Variants in SYN3 observed in about 807,000 individuals in gnomAD.
SYN3 encodes synapsin-3.
SYN3 carries 35 observed loss-of-function variants against 65.8 expected under a neutral mutation model. That is an observed-to-expected ratio of 0.53 (90% CI 0.41 to 0.70). The LOEUF is 0.70. Ranked by LOEUF, SYN3 falls within the 30% of genes least tolerant of loss-of-function variation. The pLI is 0.00. For synonymous variants in SYN3, 270 were observed against 292.9 expected (o/e 0.92, Z 0.80); for missense variants, 680 against 749.0 (o/e 0.91, Z 1.08).
At chr22:32,544,367 T>A (rs1437114953) in intron 7 of SYN3, among the ~76,000 whole-genome samples, 1 of 152,214 alleles carries the variant, frequency 6.6e-6, no homozygotes, top group Non-Finnish European at 1.5e-5. Context: ...CCTCAACATG[T>A]TCCTGCTTTT....
At chr22:32,573,613 C>T (rs2058808608) in intron 7 of SYN3, among the ~76,000 whole-genome samples, 1 of 151,660 alleles carries the variant, frequency 6.6e-6, no homozygotes, top group African/African-American at 2.4e-5. Flanking sequence ...TTCAAGTTTC[C>T]TGTAGGATTT....
chr22:32,707,316 T>C (rs1345201030), intron 6 of SYN3, among the ~76,000 whole-genome samples: 4 of 152,164 alleles, frequency 2.6e-5, no homozygotes, highest in Non-Finnish European at 4.4e-5. Context: ...CTCATGTTAG[T>C]GTAAGTCAGA....
At chr22:32,582,042 C>T (rs2058955383) in intron 7 of SYN3, among the ~76,000 whole-genome samples, 1 of 152,178 alleles carries the variant, frequency 6.6e-6, no homozygotes, top group Non-Finnish European at 1.5e-5. Context: ...TTGTGATCCA[C>T]CCATCTCGGC....
At chr22:32,995,236 C>T (rs149110587) in intron 2 of SYN3, among the ~76,000 whole-genome samples, 1 of 152,286 alleles carries the variant, frequency 6.6e-6, no homozygotes, top group African/African-American at 2.4e-5. Flanking sequence ...GCTCTAAGGC[C>T]AACCTCTCAC....
chr22:32,549,159 C>T (rs943473462), intron 7 of SYN3, among the ~76,000 whole-genome samples: 3 of 151,944 alleles, frequency 2.0e-5, no homozygotes, highest in Admixed American at 6.6e-5. Flanking sequence ...TGCACACAAT[C>T]GAATGCTTTG....
chr22:32,633,555 C>T (rs1475199403), intron 6 of SYN3, among the ~76,000 whole-genome samples: 1 of 152,166 alleles, frequency 6.6e-6, no homozygotes, highest in Non-Finnish European at 1.5e-5. Context: ...GGCCTTTGGG[C>T]CTCAGGTGGT....
chr22:32,823,283 C>T (rs1477758128), intron 6 of SYN3, among the ~76,000 whole-genome samples: 1 of 152,144 alleles, frequency 6.6e-6, no homozygotes, highest in Non-Finnish European at 1.5e-5. Context: ...ACGGACCTGA[C>T]GCTGGAAATC....
intron 5 of SYN3, 66 bp downstream of exon 5, chr22:32,868,900 G>T: frequency 6.5e-7 from 1 of 1,527,136 alleles, no homozygotes. Flanking sequence ...GAGTGGGCTT[G>T]TCGCAGAGTG....
rs568300819 is a variant in SYN3, at chr22:32,642,719, T to C, written c.712-45983A>G. ...CTGGGATTACAAGCGTGAGCCACCG[T>C]ACCCGGCCTTATTTTTATTTTTGAG... is the stretch of plus-strand genomic sequence containing the variant. On this transcript the variant is annotated intron_variant, in intron 6 of 13. Transcript: ENST00000358763. Among the ~76,000 whole-genome samples, 246 of 152,122 alleles carry C rather than the reference T, an allele frequency of 1.6e-3. 2 individuals are homozygous for C. In the East Asian group the frequency reaches 0.038, roughly 23 times the overall value.
At chr22:32,740,391 A>T (rs1263076156) in intron 6 of SYN3, among the ~76,000 whole-genome samples, 1 of 152,150 alleles carries the variant, frequency 6.6e-6, no homozygotes, top group Non-Finnish European at 1.5e-5. Context: ...GGGGAATGGA[A>T]CCCTGAAACC....
At chr22:32,849,235 G>A (rs1244807603) in intron 6 of SYN3, among the ~76,000 whole-genome samples, 4 of 152,108 alleles carry the variant, frequency 2.6e-5, no homozygotes, top group African/African-American at 7.2e-5. Flanking sequence ...GAATATTTGG[G>A]GTAATTAACT....
At chr22:32,647,230 G>C (rs559818957) in intron 6 of SYN3, among the ~76,000 whole-genome samples, 1 of 152,082 alleles carries the variant, frequency 6.6e-6, no homozygotes, top group Non-Finnish European at 1.5e-5. Flanking sequence ...CAGCAGAGGA[G>C]GGACCCAGGG....
chr22:32,994,868 AAC>A (rs1324535907), intron 2 of SYN3, among the ~76,000 whole-genome samples: 1 of 152,220 alleles, frequency 6.6e-6, no homozygotes, highest in African/African-American at 2.4e-5. Context: ...AATTGTTAAT[AAC>A]AGTTACCATT....
intron 6 of SYN3, among the ~76,000 whole-genome samples, chr22:32,617,368 G>A (rs1601769228): frequency 1.3e-5 from 2 of 152,270 alleles, no homozygotes; most frequent in East Asian, 3.9e-4. Flanking sequence ...TGGAGGTGAT[G>A]AGATTGGGCA....
chr22:32,859,632 A>G (rs2048479966), intron 6 of SYN3: 6 of 535,760 alleles, frequency 1.1e-5, no homozygotes, highest in African/African-American at 1.9e-5. Context: ...GCCAGAAAGA[A>G]TGAGGAACCT....
chr22:32,567,328 C>CCTA (rs1569045438), intron 7 of SYN3, among the ~76,000 whole-genome samples: 2 of 125,500 alleles, frequency 1.6e-5, no homozygotes, highest in Non-Finnish European at 3.3e-5. Context: ...GATCCTCCCT[C>CCTA]CCTCCCTCCC....
intron 6 of SYN3, among the ~76,000 whole-genome samples, chr22:32,616,146 G>A (rs1287574430): frequency 6.6e-6 from 1 of 152,160 alleles, no homozygotes; most frequent in Non-Finnish European, 1.5e-5. Flanking sequence ...CCGTGTAGAA[G>A]CCCCCAGGGA....
chr22:32,942,537 G>A (rs973636875), intron 3 of SYN3, among the ~76,000 whole-genome samples: 14 of 152,314 alleles, frequency 9.2e-5, no homozygotes, highest in African/African-American at 3.4e-4. Flanking sequence ...AAATCAGAGC[G>A]CCTCTTCTCC....
intron 6 of SYN3, among the ~76,000 whole-genome samples, chr22:32,824,738 C>T (rs1489394951): frequency 1.3e-5 from 2 of 152,112 alleles, no homozygotes; most frequent in African/African-American, 2.4e-5. Context: ...CCTCTGCTTT[C>T]GATGTTGTTC....
Sources: gnomAD v4.1 joint callset for allele counts (sites outside exome capture counted in the v4.1 genomes callset) on GRCh38, gnomAD v4.1.1 for gene constraint, MANE v1.5 for transcripts, NCBI Gene and HGNC (gene_info 2026-07-23, HGNC 2026-07-21) for gene names.